Variants in SCNN1A observed in about 807,000 individuals in gnomAD.
SCNN1A encodes epithelial sodium channel subunit alpha.
SCNN1A carries 65 observed loss-of-function variants against 68.6 expected under a neutral mutation model. That is an observed-to-expected ratio of 0.95 (90% CI 0.78 to 1.16). The LOEUF (loss-of-function observed/expected upper bound fraction) is 1.16. Among genes scored for constraint, SCNN1A ranks in the 50% most tolerant of loss-of-function variants. The pLI is 0.00. For missense variants in SCNN1A, 880 were observed against 865.9 expected, an observed-to-expected ratio of 1.02 and a Z score of -0.20; for synonymous variants, 357 against 353.3, an observed-to-expected ratio of 1.01 and a Z score of -0.12.
intron 8 of SCNN1A, 102 bp downstream of exon 8, chr12:6,354,336 G>A (rs1318198580): frequency 1.3e-6 from 1 of 787,628 alleles, no homozygotes; most frequent in Non-Finnish European, 2.3e-6. Flanking sequence ...CCCAGCAGGT[G>A]GGAGCCAGAA....
chr12:6,364,252 A>T (rs868856802), intron 2 of SCNN1A: 2 of 152,456 alleles, frequency 1.3e-5, no homozygotes, highest in East Asian at 3.9e-4. Context: ...GACTGTTCTA[A>T]TGTGTTTCGG....
rs72657551 is a variant in SCNN1A at position 6,348,824 on chromosome 12, G to A, written c.1554-22C>T. On this transcript the variant is annotated intron_variant, in intron 11 of 12. Coordinates refer to ENST00000228916, the MANE Select transcript of SCNN1A (RefSeq NM_001038.6). Reference sequence around the variant, plus strand: ...ATTTCTTAGGTGTGGGGCAGAGGGTGGGAAGAAATGGTAGAGGATGAATTT... The same window carrying A: ...ATTTCTTAGGTGTGGGGCAGAGGGTAGGAAGAAATGGTAGAGGATGAATTT... 1.1e-3 allele frequency: 1,734 copies of A among 1,610,600 alleles called. 2 individuals carry two copies. The highest frequency in any genetic ancestry group is 1.4e-3 in the Non-Finnish European group (1,611 of 1,176,968).
At chr12:6,369,224 C>T (rs1948734223) in intron 2 of SCNN1A, among the ~76,000 whole-genome samples, 1 of 151,998 alleles carries the variant, frequency 6.6e-6, no homozygotes, top group Non-Finnish European at 1.5e-5. Context: ...TGGGGAGCCC[C>T]CATGCCATCT....
Position 6,355,391 on chromosome 12 carries a change from G to A in SCNN1A, c.1024C>T (p.Leu342=), listed in dbSNP as rs1029964942. Reference sequence around the variant, plus strand: ...CGGGCCCCAGTCACTGTGGACAGCAGGGGAATGAAGTCATTCTGCTCTGCG... The same window carrying A: ...CGGGCCCCAGTCACTGTGGACAGCAAGGGAATGAAGTCATTCTGCTCTGCG... The part of the protein sequence containing the change: ...LRAEQNDFIP[L]LSTVTGARVM... Residue 342 remains leucine, a synonymous_variant, in exon 6 of 13, where the codon CTG becomes TTG. Coordinates refer to ENST00000228916, the MANE Select transcript of SCNN1A (RefSeq NM_001038.6). 1.9e-5 allele frequency: 30 copies of A among 1,614,006 alleles called. No individual in the cohort carries two copies. Among genetic ancestry groups the A allele is most frequent in the Non-Finnish European group, 2.5e-5 (30 of 1,179,968 alleles).
Position 6,363,636 on chromosome 12 carries a change from T to C in SCNN1A, c.491A>G (p.Tyr164Cys). 8.1e-6 allele frequency: 13 copies of C among 1,613,150 alleles called. No homozygotes were observed. Among genetic ancestry groups the C allele is most frequent in the Non-Finnish European group, 1.1e-5 (13 of 1,179,560 alleles). The change falls in exon 3 of 13, where the codon TAC (tyrosine) becomes TGC (cysteine). Residue 164 changes from tyrosine (Y) to cysteine (C), a missense_variant. Around this residue, in one of 3 missense-constraint regions of SCNN1A, gnomAD observed 758 missense variants for 721.8 expected, o/e 1.05. Coordinates refer to ENST00000228916, the MANE Select transcript of SCNN1A (RefSeq NM_001038.6). Reference protein sequence around the residue: ...TEQTLFDLYKYSSFTTLVAGS... With the variant: ...TEQTLFDLYKCSSFTTLVAGS... ...GGCCACGAGAGTGGTGAAGGAGCTGTATTTGTACAGGTCAAAGAGCGTCTG... is the reference window on the plus strand; with the variant it reads ...GGCCACGAGAGTGGTGAAGGAGCTGCATTTGTACAGGTCAAAGAGCGTCTG...
At chr12:6,366,090 G>A (rs546493489) in intron 2 of SCNN1A, among the ~76,000 whole-genome samples, 14 of 152,146 alleles carry the variant, frequency 9.2e-5, no homozygotes, top group Admixed American at 8.5e-4. Context: ...TCCTGACTTC[G>A]TGATCCGCCC....
intron 2 of SCNN1A, among the ~76,000 whole-genome samples, chr12:6,371,217 C>T (rs1449805038): frequency 6.6e-6 from 1 of 152,118 alleles, no homozygotes; most frequent in Non-Finnish European, 1.5e-5. Context: ...CAACCGATCT[C>T]CTCGGTAGGA....
chr12:6,365,026 C>CTTT lies in SCNN1A; in HGVS notation c.417-1319_417-1317dup, dbSNP rs56408845. 1.1e-3 allele frequency among the ~76,000 whole-genome samples: 152 copies of CTTT among 136,756 alleles called. 3 individuals carry two copies. The highest frequency in any genetic ancestry group is 0.01 in the East Asian group (47 of 4,700). The allele number at this position is 136,756 out of a possible 152,430, so 89.7% of individuals were successfully genotyped here. On this transcript the variant is annotated intron_variant, in intron 2 of 12. Transcript: ENST00000228916. ...AACACAATCCCTATCAAAATTCCAG[C>CTTT]TTTTTTTTTTTTTTTGGACAGGATC...
chr12:6,359,950 C>A (rs1379438388), intron 4 of SCNN1A, among the ~76,000 whole-genome samples: 15 of 151,862 alleles, frequency 9.9e-5, no homozygotes, highest in Non-Finnish European at 2.2e-4. Flanking sequence ...TTTATATTTC[C>A]AGTAGAGATG....
chr12:6,361,562 G>A (rs571463530), intron 4 of SCNN1A, among the ~76,000 whole-genome samples: 2 of 152,172 alleles, frequency 1.3e-5, no homozygotes, highest in South Asian at 2.1e-4. Context: ...CAACATGGAC[G>A]TTGACCAACG....
intron 2 of SCNN1A, among the ~76,000 whole-genome samples, chr12:6,368,009 T>C (rs1948709471): frequency 6.6e-6 from 1 of 152,238 alleles, no homozygotes; most frequent in African/African-American, 2.4e-5. Context: ...GTTGAAGGTG[T>C]GTTTGGCATT....
chr12:6,347,822 C>T lies in SCNN1A; in HGVS notation c.*51G>A, dbSNP rs377669906. ...CCTTCAATCTTGCCAGGGCCAGCACCCTCCCACCAGAGGAGCATCTGCCTT... is the reference window on the plus strand; with the variant it reads ...CCTTCAATCTTGCCAGGGCCAGCACTCTCCCACCAGAGGAGCATCTGCCTT... On this transcript the variant is annotated 3_prime_UTR_variant, in exon 13 of 13. Transcript: ENST00000228916. 9 of 1,505,220 alleles carry T rather than the reference C, an allele frequency of 6.0e-6. No homozygotes were observed. The African/African-American group carries it at 1.2e-4, about 21-fold the overall frequency. 93.2% of individuals were successfully genotyped at this position (1,505,220 alleles called of 1,614,324 possible).
At chr12:6,377,346 A>C, upstream of SCNN1A, 1 of 1,309,960 alleles carries the variant, frequency 7.6e-7, no homozygotes, top group Non-Finnish European at 1.1e-6. Flanking sequence ...AGGATAAATC[A>C]GTTTTCTGAG....
At chr12:6,377,303 T>C (rs898347923), upstream of SCNN1A, 1 of 1,543,244 alleles carries the variant, frequency 6.5e-7, no homozygotes, top group African/African-American at 1.4e-5. Context: ...GGATTTTTCT[T>C]CATTGTCCTA....
chr12:6,355,936 T>C, intron 4 of SCNN1A, 56 bp from the exon 5 acceptor site: 1 of 1,082,856 alleles, frequency 9.2e-7, no homozygotes, highest in Middle Eastern at 2.0e-4. Flanking sequence ...GTGCAGGGAA[T>C]AGGGAGATGA....
At position 6,354,776 on chromosome 12, in the gene SCNN1A, G is replaced by A. The variant is rs149484264; in HGVS notation, c.1216C>T (p.Leu406Phe). ...TGCTGTGTGTACTTTGAAGGGTAAA[G>A]GTTCTCAACAGGAACATCACTGCCA... ...KNGSDVPVEN[L>F]YPSKYTQQVC... The change falls in exon 7 of 13, where the codon CTT becomes TTT. Residue 406 changes from leucine (L) to phenylalanine (F), a missense_variant. Transcript: ENST00000228916. 3 of 1,613,932 alleles carry A rather than the reference G, an allele frequency of 1.9e-6. No homozygotes were observed. The highest frequency in any genetic ancestry group is 2.5e-6 in the Non-Finnish European group (3 of 1,179,952).
In SCNN1A at chr12:6,374,448, G is replaced by A; in HGVS notation, c.336C>T (p.Tyr112=). The part of the protein sequence containing the change: ...FGLLFGEYFS[Y]PVSLNINLNS... ...TGAGGTTGATGTTGAGGCTGACGGG[G>A]TAGCTGAAGTACTCTCCGAAAAGCA... Residue 112 remains tyrosine, a synonymous_variant, in exon 2 of 13, where the codon TAC becomes TAT. Coordinates refer to ENST00000228916, the MANE Select transcript of SCNN1A (RefSeq NM_001038.6). The surrounding 1 kb of genome is among the most constrained non-coding windows in gnomAD (Gnocchi z 6.2). The A allele has an allele frequency of 6.2e-7, 1 of 1,614,220 alleles. No individual in the cohort carries two copies. Among genetic ancestry groups the A allele is most frequent in the Middle Eastern group, 1.6e-4 (1 of 6,062 alleles).
At chr12:6,376,199 G>A (rs910870004), upstream of SCNN1A, 1 of 985,048 alleles carries the variant, frequency 1.0e-6, no homozygotes, top group African/African-American at 1.7e-5. Flanking sequence ...GCGCACTCAG[G>A]TGGGATGCGT....
At chr12:6,356,908 C>A (rs572159058) in intron 4 of SCNN1A, among the ~76,000 whole-genome samples, 2 of 152,162 alleles carry the variant, frequency 1.3e-5, no homozygotes, top group Non-Finnish European at 2.9e-5. Flanking sequence ...TCTGGTTGTA[C>A]GGTCTCAAGC....
Sources: gnomAD v4.1 joint callset for allele counts (sites outside exome capture counted in the v4.1 genomes callset) on GRCh38, gnomAD v4.1.1 for gene constraint, gnomAD v4.1.1 regional missense constraint, Gnocchi (gnomAD v3.1) non-coding constraint, MANE v1.5 for transcripts, NCBI Gene and HGNC (gene_info 2026-07-23, HGNC 2026-07-21) for gene names.